DNER: variants seen among roughly 807,000 people sequenced by gnomAD.
The protein encoded by DNER is delta and Notch-like epidermal growth factor-related receptor.
In DNER, 33 loss-of-function variants were observed where a neutral mutation model predicts 78.2. That is an observed-to-expected ratio of 0.42 (90% confidence interval 0.32 to 0.56). DNER has a LOEUF of 0.56. Among genes scored for constraint, DNER ranks in the 20% least tolerant of loss-of-function variants. The pLI is 0.11. For missense variants in DNER, 918 were observed against 975.3 expected (o/e 0.94, Z 0.78); for synonymous variants, 417 against 384.8 (o/e 1.08, Z -0.98).
intron 7 of DNER, among the ~76,000 whole-genome samples, chr2:229,449,790 G>A (rs1028591787): frequency 6.6e-5 from 10 of 152,060 alleles, no homozygotes; most frequent in South Asian, 2.1e-4. Context: ...ATTTTATTTT[G>A]TTTTGTTTTT....
chr2:229,359,814 T>C (rs931626565), intron 12 of DNER, among the ~76,000 whole-genome samples: 3 of 152,182 alleles, frequency 2.0e-5, no homozygotes, highest in African/African-American at 7.2e-5. Context: ...TCATCAATCT[T>C]GTATTCCAAT....
At chr2:229,387,570 A>AGAAAG (rs1692916208) in intron 11 of DNER, among the ~76,000 whole-genome samples, 3 of 151,448 alleles carry the variant, frequency 2.0e-5, no homozygotes, top group Admixed American at 6.6e-5. Context: ...AAAGAAAGAA[A>AGAAAG]AGAAAGAAGG....
At chr2:229,711,196 T>A (rs1699907413) in intron 1 of DNER, among the ~76,000 whole-genome samples, 1 of 151,998 alleles carries the variant, frequency 6.6e-6, no homozygotes, top group Admixed American at 6.6e-5. Flanking sequence ...GGTTTGAACC[T>A]CCCACCAGCA....
chr2:229,548,397 G>A (rs1574896877), intron 4 of DNER, among the ~76,000 whole-genome samples: 1 of 152,166 alleles, frequency 6.6e-6, no homozygotes, highest in Admixed American at 6.5e-5. Context: ...ATACACCGTG[G>A]AATACCATGC....
At chr2:229,425,468 C>A (rs986590565) in intron 8 of DNER, among the ~76,000 whole-genome samples, 5 of 152,276 alleles carry the variant, frequency 3.3e-5, no homozygotes, top group East Asian at 1.9e-4. Context: ...AGCCCACAGA[C>A]CCTGACCTGC....
intron 1 of DNER, among the ~76,000 whole-genome samples, chr2:229,602,432 AG>A (rs1257889534): frequency 6.6e-6 from 1 of 152,186 alleles, no homozygotes; most frequent in Non-Finnish European, 1.5e-5. Flanking sequence ...GAAGAAAGCA[AG>A]GATGTTTGCT....
chr2:229,657,142 G>A (rs1045070092), intron 1 of DNER, among the ~76,000 whole-genome samples: 7 of 151,984 alleles, frequency 4.6e-5, no homozygotes, highest in East Asian at 1.9e-4. Flanking sequence ...TTTGATCCAC[G>A]TCTCCACCTT....
intron 1 of DNER, among the ~76,000 whole-genome samples, chr2:229,596,825 G>A (rs750553502): frequency 2.0e-5 from 3 of 152,266 alleles, no homozygotes; most frequent in Non-Finnish European, 4.4e-5. Flanking sequence ...TCTTAGTGAA[G>A]AAGAGAGGAC....
intron 4 of DNER, among the ~76,000 whole-genome samples, chr2:229,548,139 A>G (rs1019761215): frequency 9.9e-5 from 15 of 152,226 alleles, no homozygotes; most frequent in Non-Finnish European, 2.2e-4. Flanking sequence ...CAAGGGGACT[A>G]CTAGGAGTCA....
At chr2:229,490,553 G>A (rs1052387859) in intron 6 of DNER, among the ~76,000 whole-genome samples, 1 of 152,034 alleles carries the variant, frequency 6.6e-6, no homozygotes, top group African/African-American at 2.4e-5. Flanking sequence ...GAATGTAGAT[G>A]AGTGGTTGCC....
intron 5 of DNER, among the ~76,000 whole-genome samples, chr2:229,514,001 C>T (rs149211468): frequency 5.5e-4 from 83 of 152,176 alleles, no homozygotes; most frequent in African/African-American, 1.9e-3. Flanking sequence ...TAAGTACAAC[C>T]CACTGCCTGC....
intron 1 of DNER, among the ~76,000 whole-genome samples, chr2:229,599,182 G>T (rs188671280): frequency 6.6e-6 from 1 of 152,306 alleles, no homozygotes; most frequent in East Asian, 1.9e-4. Context: ...TTACAGAGAA[G>T]TGGAGAAGAA....
chr2:229,494,857 C>T (rs1695468734), intron 6 of DNER, among the ~76,000 whole-genome samples: 1 of 152,134 alleles, frequency 6.6e-6, no homozygotes, highest in African/African-American at 2.4e-5. Flanking sequence ...TCCTTCATTC[C>T]ACCTCTATTT....
At chr2:229,549,522 C>G (rs901955104) in intron 4 of DNER, among the ~76,000 whole-genome samples, 25 of 151,542 alleles carry the variant, frequency 1.6e-4, no homozygotes, top group African/African-American at 5.6e-4. Context: ...TGGTCTTAAA[C>G]TCCTGACCTC....
At chr2:229,685,563 T>A (rs1450040637) in intron 1 of DNER, among the ~76,000 whole-genome samples, 1 of 152,212 alleles carries the variant, frequency 6.6e-6, no homozygotes, top group African/African-American at 2.4e-5. Context: ...ACTATCACTA[T>A]TATCGTCATT....
chr2:229,591,436 G>A lies in DNER; in HGVS notation c.585+144C>T. ...TAAAACCATCGTACACACAAATGCA[G>A]ACAGGAATAAGTTTAGGGAGATATT... is the stretch of plus-strand genomic sequence containing the variant. On this transcript the variant is annotated intron_variant, in intron 2 of 12. Transcript: ENST00000341772. This position sits in a 1 kb window ranked among gnomAD's most constrained non-coding sequence, Gnocchi z 4.6. 1 of 999,258 alleles carries A rather than the reference G, an allele frequency of 1.0e-6. No individual in the cohort carries two copies. The highest frequency in any genetic ancestry group is 2.7e-5 in the East Asian group (1 of 37,398). The allele number at this position is 999,258 out of a possible 1,614,324, so 61.9% of individuals were successfully genotyped here. A position where few individuals can be genotyped will look rare whatever the true frequency, so the allele number is the denominator to read the frequency against.
intron 6 of DNER, among the ~76,000 whole-genome samples, chr2:229,489,211 C>A (rs1399380980): frequency 6.6e-6 from 1 of 152,170 alleles, no homozygotes; most frequent in Non-Finnish European, 1.5e-5. Context: ...GGGGAGGGTG[C>A]AATCACCCAG....
At chr2:229,665,236 T>A (rs192585135) in intron 1 of DNER, among the ~76,000 whole-genome samples, 117 of 152,162 alleles carry the variant, frequency 7.7e-4, no homozygotes, top group African/African-American at 2.7e-3. Context: ...AGAAAATGAA[T>A]TCAAGACAAC....
At chr2:229,539,214 C>T (rs1696467680) in intron 5 of DNER, among the ~76,000 whole-genome samples, 2 of 152,116 alleles carry the variant, frequency 1.3e-5, no homozygotes, top group African/African-American at 4.8e-5. Flanking sequence ...TCATGAGGAC[C>T]TTTGTGTTGC....
Sources: gnomAD v4.1 joint callset for allele counts (sites outside exome capture counted in the v4.1 genomes callset) on GRCh38, gnomAD v4.1.1 for gene constraint, Gnocchi (gnomAD v3.1) non-coding constraint, MANE v1.5 for transcripts, NCBI Gene and HGNC (gene_info 2026-07-23, HGNC 2026-07-21) for gene names.